MIR2052HG: variants seen among roughly 807,000 people sequenced by gnomAD.
The protein encoded by MIR2052HG is MIR2052 host gene.
Position 74,703,082 on chromosome 8 carries a change from T to G in MIR2052HG, n.295-524T>G, listed in dbSNP as rs116519706. 4.0e-3 allele frequency among the ~76,000 whole-genome samples: 609 copies of G among 152,024 alleles called. 5 individuals carry two copies. The highest frequency in any genetic ancestry group is 0.014 in the African/African-American group (574 of 41,492). ...TGGAAAGATCCTAGAGTAGCAGAAG[T>G]CACATAAGAATATTCAACAATCAGA... On this transcript the variant is annotated intron_variant and non_coding_transcript_variant, in intron 3 of 6. Transcript: ENST00000523442.
At chr8:74,697,591 A>G (rs1563534175) in intron 2 of MIR2052HG, among the ~76,000 whole-genome samples, 2 of 152,152 alleles carry the variant, frequency 1.3e-5, no homozygotes, top group Non-Finnish European at 2.9e-5. Flanking sequence ...AGACGCATCT[A>G]AAAAGCTCCT....
chr8:74,633,541 C>T (rs190067985), intron 2 of MIR2052HG, among the ~76,000 whole-genome samples: 17 of 152,334 alleles, frequency 1.1e-4, no homozygotes, highest in Admixed American at 1.3e-4. Flanking sequence ...AGAATGCCAT[C>T]TTACCTTGCT....
At chr8:74,630,041 G>GT (rs1808486948) in intron 2 of MIR2052HG, among the ~76,000 whole-genome samples, 2 of 152,176 alleles carry the variant, frequency 1.3e-5, no homozygotes, top group Non-Finnish European at 1.5e-5. Flanking sequence ...ACAGAAAAGA[G>GT]TTGTTCGAAG....
chr8:74,729,785 G>T (rs1435124704), intron 4 of MIR2052HG, among the ~76,000 whole-genome samples: 2 of 152,136 alleles, frequency 1.3e-5, no homozygotes, highest in African/African-American at 4.8e-5. Flanking sequence ...AAAACATAAA[G>T]ATATTGTCAG....
At chr8:74,656,471 G>C (rs549902797) in intron 2 of MIR2052HG, among the ~76,000 whole-genome samples, 5 of 152,142 alleles carry the variant, frequency 3.3e-5, no homozygotes, top group Non-Finnish European at 7.3e-5. Flanking sequence ...TAAGTCTCAC[G>C]AGATCTGATG....
intron 2 of MIR2052HG, among the ~76,000 whole-genome samples, chr8:74,641,735 T>C (rs929946559): frequency 7.2e-5 from 11 of 152,194 alleles, no homozygotes; most frequent in African/African-American, 2.4e-4. Flanking sequence ...TACATGAACC[T>C]GTTTATCCTC....
intron 4 of MIR2052HG, among the ~76,000 whole-genome samples, chr8:74,734,668 C>T (rs141648942): frequency 1.5e-3 from 231 of 152,326 alleles, no homozygotes; most frequent in African/African-American, 5.3e-3. Flanking sequence ...AAAGGGAACC[C>T]GTGCTGGCAC....
intron 4 of MIR2052HG, among the ~76,000 whole-genome samples, chr8:74,737,546 C>T (rs936775443): frequency 4.6e-5 from 7 of 152,158 alleles, no homozygotes; most frequent in East Asian, 1.9e-4. Context: ...GTGACAACAC[C>T]TCCTGCTATT....
intron 2 of MIR2052HG, among the ~76,000 whole-genome samples, chr8:74,631,205 G>A (rs1041138999): frequency 6.6e-6 from 1 of 152,150 alleles, no homozygotes; most frequent in Non-Finnish European, 1.5e-5. Flanking sequence ...TTGGCCTGGC[G>A]GGCTAGATAG....
At chr8:74,631,566 G>T (rs1249918961) in intron 2 of MIR2052HG, among the ~76,000 whole-genome samples, 2 of 152,058 alleles carry the variant, frequency 1.3e-5, no homozygotes, top group Non-Finnish European at 2.9e-5. Flanking sequence ...CCTGTTTAAG[G>T]TACTTCAACA....
intron 4 of MIR2052HG, among the ~76,000 whole-genome samples, chr8:74,731,307 A>T (rs560553887): frequency 3.9e-5 from 6 of 152,220 alleles, no homozygotes; most frequent in Non-Finnish European, 7.3e-5. Context: ...ACTCTGTGGA[A>T]GTCAAATACA....
In MIR2052HG at chr8:74,649,258, G is replaced by A. The variant is rs1808727534; in HGVS notation, n.216+36318G>A. ...CTTGAACCACTTTATAGAGTTGTGA[G>A]TATGTGGTCTGAAATATTTTATGAA... is the stretch of plus-strand genomic sequence containing the variant. On this transcript the variant is annotated intron_variant and non_coding_transcript_variant, in intron 2 of 6. Coordinates refer to ENST00000523442, the Ensembl canonical transcript of MIR2052HG. Among the ~76,000 whole-genome samples the A allele has an allele frequency of 3.3e-5, 5 of 152,170 alleles. No homozygotes were observed. In the South Asian group the frequency reaches 1.0e-3, roughly 32 times the overall value.
At chr8:74,639,824 T>C (rs75919234) in intron 2 of MIR2052HG, among the ~76,000 whole-genome samples, 1 of 152,278 alleles carries the variant, frequency 6.6e-6, no homozygotes, top group South Asian at 2.1e-4. Context: ...CTTTTTTTTT[T>C]ATCAAAGTCC....
At chr8:74,666,281 A>G (rs1044475069) in intron 2 of MIR2052HG, among the ~76,000 whole-genome samples, 1 of 152,124 alleles carries the variant, frequency 6.6e-6, no homozygotes, top group African/African-American at 2.4e-5. Flanking sequence ...AAATCACATA[A>G]TTCTTTTACT....
At chr8:74,715,500 T>G (rs1047604657) in intron 4 of MIR2052HG, among the ~76,000 whole-genome samples, 4 of 152,156 alleles carry the variant, frequency 2.6e-5, no homozygotes, top group African/African-American at 9.7e-5. Flanking sequence ...AACTCAAAGG[T>G]GTTTGACTAG....
chr8:74,628,956 G>A (rs1250212003), intron 2 of MIR2052HG: 1 of 152,080 alleles, frequency 6.6e-6, no homozygotes, highest in East Asian at 1.9e-4. Flanking sequence ...CCAGTAGTCT[G>A]ATGGGAGAGA....
intron 4 of MIR2052HG, among the ~76,000 whole-genome samples, chr8:74,712,331 A>G (rs1809476319): frequency 6.6e-6 from 1 of 152,316 alleles, no homozygotes; most frequent in South Asian, 2.1e-4. Context: ...GGCTGACACT[A>G]GGCAAATGAA....
intron 2 of MIR2052HG, among the ~76,000 whole-genome samples, chr8:74,624,271 G>A (rs892297261): frequency 1.3e-5 from 2 of 152,154 alleles, no homozygotes; most frequent in African/African-American, 4.8e-5. Context: ...CCACATCACT[G>A]GTACCACAGC....
At chr8:74,688,186 A>G (rs978342329) in intron 2 of MIR2052HG, among the ~76,000 whole-genome samples, 1 of 152,208 alleles carries the variant, frequency 6.6e-6, no homozygotes, top group Non-Finnish European at 1.5e-5. Context: ...ACACTGGTAA[A>G]TTAATATGTG....
Sources: allele counts gnomAD v4.1 joint callset (sites outside exome capture counted in the v4.1 genomes callset), GRCh38; gene constraint gnomAD v4.1.1; transcripts MANE v1.5; gene names NCBI Gene and HGNC (gene_info 2026-07-23, HGNC 2026-07-21).